The following PAK2 variants were observed in gnomAD, a reference collection of about 807,000 sequenced individuals.
PAK2 encodes serine/threonine-protein kinase PAK 2.
PAK2 carries 21 observed loss-of-function variants against 65.9 expected under a neutral mutation model. That is an observed-to-expected ratio of 0.32 (90% CI 0.23 to 0.46). The LOEUF is 0.46. Among genes scored for constraint, PAK2 ranks in the 20% least tolerant of loss-of-function variants. PAK2 has a pLI of 1.00. For synonymous variants in PAK2, 204 were observed against 219.7 expected (o/e 0.93, Z 0.63); for missense variants, 324 against 642.6 (o/e 0.50, Z 5.36).
chr3:196,779,568 A>G (rs12634982), intron 1 of PAK2, among the ~76,000 whole-genome samples: 15,215 of 152,168 alleles, frequency 0.1, 1,229 homozygotes, highest in East Asian at 0.44. Flanking sequence ...ATTATTATTG[A>G]AGGTGCATTG....
At chr3:196,772,025 C>G (rs761555678) in intron 1 of PAK2, among the ~76,000 whole-genome samples, 22 of 152,090 alleles carry the variant, frequency 1.4e-4, no homozygotes, top group Non-Finnish European at 2.8e-4. Flanking sequence ...CATATTCGCT[C>G]TATTCTGCTT....
chr3:196,802,082 T>G, intron 3 of PAK2, 55 bp downstream of exon 3: 1 of 893,082 alleles, frequency 1.1e-6, no homozygotes, highest in Non-Finnish European at 1.9e-6. Context: ...ACTCAAACAT[T>G]TTCCTTCATT....
intron 2 of PAK2, among the ~76,000 whole-genome samples, chr3:196,800,608 A>G (rs1018034265): frequency 1.3e-5 from 2 of 152,198 alleles, no homozygotes; most frequent in Non-Finnish European, 2.9e-5. Context: ...TGGCAATAAA[A>G]TAATCAAGGC....
chr3:196,820,330 A>G lies in PAK2; in HGVS notation c.1154-41A>G. 1.6e-6 allele frequency: 2 copies of G among 1,266,754 alleles called. No homozygotes were observed. Among genetic ancestry groups the G allele is most frequent in the South Asian group, 1.6e-5 (1 of 63,960 alleles). The allele number at this position is 1,266,754 out of a possible 1,614,324, so 78.5% of individuals were successfully genotyped here. ...TGAAGTGAACTCTTCTGCTAAAACC[A>G]TCCATGGAAGCCATTAACTCTGTTT... On this transcript the variant is annotated intron_variant, in intron 12 of 14. Coordinates refer to ENST00000327134, the MANE Select transcript of PAK2 (RefSeq NM_002577.4). This position sits in a 1 kb window ranked among gnomAD's most constrained non-coding sequence, Gnocchi z 4.6.
chr3:196,763,072 C>A (rs1714039914), intron 1 of PAK2, among the ~76,000 whole-genome samples: 1 of 152,124 alleles, frequency 6.6e-6, no homozygotes. Flanking sequence ...GACCCCCCAC[C>A]CCCTGCCTGG....
intron 1 of PAK2, among the ~76,000 whole-genome samples, chr3:196,759,438 A>AG (rs1328491191): frequency 7.3e-5 from 11 of 150,550 alleles, no homozygotes; most frequent in Non-Finnish European, 1.5e-5. Flanking sequence ...TTTTAAAAAA[A>AG]CAGATATTCA....
intron 14 of PAK2, 166 bp downstream of exon 14, chr3:196,827,499 A>C: frequency 1.1e-6 from 1 of 943,724 alleles, no homozygotes; most frequent in South Asian, 4.9e-5. Context: ...AAACTACCGC[A>C]AGGACAGAAA....
intron 1 of PAK2, among the ~76,000 whole-genome samples, chr3:196,753,424 C>T (rs555314942): frequency 1.3e-5 from 2 of 151,046 alleles, no homozygotes; most frequent in South Asian, 2.1e-4. Context: ...TCTGGGCTCA[C>T]GTGATCCTAT....
chr3:196,786,408 G>A (rs1714891406), intron 2 of PAK2, among the ~76,000 whole-genome samples: 1 of 152,102 alleles, frequency 6.6e-6, no homozygotes, highest in Non-Finnish European at 1.5e-5. Context: ...TGATCCACCT[G>A]CCTCAGCCTC....
chr3:196,752,632 C>T (rs1713640355), intron 1 of PAK2, among the ~76,000 whole-genome samples: 1 of 152,140 alleles, frequency 6.6e-6, no homozygotes, highest in Admixed American at 6.6e-5. Context: ...CAGAGTTTCA[C>T]TCTGTTGCCC....
At chr3:196,801,562 C>T (rs1715423285) in intron 2 of PAK2, among the ~76,000 whole-genome samples, 4 of 152,092 alleles carry the variant, frequency 2.6e-5, no homozygotes, top group South Asian at 4.1e-4. Context: ...CATAATATGC[C>T]GGGCATGCGG....
chr3:196,741,228 A>C (rs1713181559), intron 1 of PAK2, among the ~76,000 whole-genome samples: 1 of 152,178 alleles, frequency 6.6e-6, no homozygotes, highest in African/African-American at 2.4e-5. Context: ...TTCCGCTCTT[A>C]TAAGTAGGCA....
chr3:196,751,694 T>TAA lies in PAK2; in HGVS notation c.-22+11538_-22+11539dup, dbSNP rs1553799680. Among the ~76,000 whole-genome samples the TAA allele has an allele frequency of 5.2e-4, 24 of 45,854 alleles. 6 individuals are homozygous for TAA. The South Asian group carries it at 7.5e-3, about 14-fold the overall frequency. The allele number at this position is 45,854 out of a possible 152,430, so 30.1% of individuals were successfully genotyped here. A position where few individuals can be genotyped will look rare whatever the true frequency, so the allele number is the denominator to read the frequency against. ...ATATACATATATATATATATATATA[T>TAA]AATTCAGGCTATATATAAAAGGCAT... is the stretch of plus-strand genomic sequence containing the variant. On this transcript the variant is annotated intron_variant, in intron 1 of 14. Transcript: ENST00000327134.
At chr3:196,769,540 G>A (rs958198103) in intron 1 of PAK2, among the ~76,000 whole-genome samples, 1 of 151,806 alleles carries the variant, frequency 6.6e-6, no homozygotes, top group Non-Finnish European at 1.5e-5. Flanking sequence ...GGCCAGGCGT[G>A]GTGGCTCACG....
intron 1 of PAK2, among the ~76,000 whole-genome samples, chr3:196,773,596 C>T (rs1274108602): frequency 6.6e-6 from 1 of 152,094 alleles, no homozygotes; most frequent in Non-Finnish European, 1.5e-5. Flanking sequence ...CAAGTTCAGG[C>T]CGGGCACAGT....
intron 1 of PAK2, among the ~76,000 whole-genome samples, chr3:196,750,725 A>C (rs1159593804): frequency 6.6e-6 from 1 of 150,406 alleles, no homozygotes; most frequent in Non-Finnish European, 1.5e-5. Context: ...TAAAGCATTA[A>C]AAATGAATGC....
chr3:196,784,587 T>G (rs1238723913), intron 2 of PAK2, among the ~76,000 whole-genome samples: 1 of 128,860 alleles, frequency 7.8e-6, no homozygotes, highest in South Asian at 2.8e-4. Flanking sequence ...TAGTATTCCA[T>G]GGTGTATATG....
chr3:196,805,579 T>G (rs1199238333), intron 5 of PAK2, among the ~76,000 whole-genome samples, 196 bp downstream of exon 5: 1 of 152,218 alleles, frequency 6.6e-6, no homozygotes, highest in Non-Finnish European at 1.5e-5. Flanking sequence ...TGATACTTAA[T>G]GTAACTAAAA....
intron 2 of PAK2, among the ~76,000 whole-genome samples, chr3:196,799,803 A>C (rs866221097): frequency 2.0e-5 from 3 of 152,068 alleles, no homozygotes; most frequent in Admixed American, 6.6e-5. Context: ...TTTTAGATAC[A>C]GTGTTTTGCC....
Sources: gnomAD v4.1 joint callset for allele counts (sites outside exome capture counted in the v4.1 genomes callset) on GRCh38, gnomAD v4.1.1 for gene constraint, Gnocchi (gnomAD v3.1) non-coding constraint, MANE v1.5 for transcripts, NCBI Gene and HGNC (gene_info 2026-07-23, HGNC 2026-07-21) for gene names.